ATF6B: variants seen among roughly 807,000 people sequenced by gnomAD.
ATF6B encodes cyclic AMP-dependent transcription factor ATF-6 beta.
A neutral mutation model predicts 83.5 loss-of-function variants in ATF6B; 50 were observed. The ratio of observed to expected loss-of-function variants is 0.60; its 90% CI spans 0.48 to 0.76. The LOEUF is 0.76. Among genes scored for constraint, ATF6B ranks in the 30% least tolerant of loss-of-function variants. The probability of loss-of-function intolerance (pLI) is 0.00; values close to 1 mark genes in which losing one functional copy is unlikely to be tolerated. For synonymous variants in ATF6B, 344 were observed against 362.8 expected, an observed-to-expected ratio of 0.95 and a Z score of 0.59; for missense variants, 790 against 893.8, an observed-to-expected ratio of 0.88 and a Z score of 1.48.
chr6:32,121,308 G>A lies in ATF6B; in HGVS notation c.519C>T (p.Ser173=), dbSNP rs369263490. ...AGAGCAGGGAGGCCTCAGAGTTGAC[G>A]GAAGAACATGGAGAGACAGGTTCTA... ...TKIEPVSPCS[S]VNSEASLLSA... Residue 173 remains serine, a synonymous_variant, in exon 6 of 18, where the codon TCC becomes TCT. Transcript: ENST00000375203. 4.3e-5 allele frequency: 70 copies of A among 1,614,066 alleles called. 1 individual carries two copies. In the Middle Eastern group the frequency reaches 4.9e-4, roughly 11 times the overall value.
chr6:32,119,993 C>T lies in ATF6B; in HGVS notation c.833-36G>A. 6.3e-7 allele frequency: 1 copy of T among 1,599,262 alleles called. No homozygotes were observed. The highest frequency in any genetic ancestry group is 8.5e-7 in the Non-Finnish European group (1 of 1,171,850). On this transcript the variant is annotated intron_variant, in intron 8 of 17. Transcript: ENST00000375203. This position sits in a 1 kb window ranked among gnomAD's most constrained non-coding sequence, Gnocchi z 4.9. ...TGAGCAGAGGTCAGAGGGCTGTGCG[C>T]TGGGTGGGGTCCTTGTGTCCACACC...
chr6:32,119,932 AC>A lies in ATF6B; in HGVS notation c.857del (p.Gly286ValfsTer41), dbSNP rs1306356352. The A allele has an allele frequency of 3.7e-6, 6 of 1,613,916 alleles. No individual in the cohort carries two copies. The highest frequency in any genetic ancestry group is 5.1e-6 in the Non-Finnish European group (6 of 1,180,000). ...GCCCTTCAGGCTGGACTCGAATAGCACCCTGGATGAGGACAACTGGGGACAC... is the reference window on the plus strand; with the variant it reads ...GCCCTTCAGGCTGGACTCGAATAGCACCTGGATGAGGACAACTGGGGACAC... ...PPVSPVVLIQ[G>X]AIRVQPEGPA... On this transcript the variant is annotated frameshift_variant, in exon 9 of 18. Transcript: ENST00000375203. LOFTEE classifies it high-confidence loss of function. The surrounding 1 kb of genome is among the most constrained non-coding windows in gnomAD (Gnocchi z 4.9).
Position 32,121,345 on chromosome 6 carries a change from A to G in ATF6B, c.482T>C (p.Val161Ala), listed in dbSNP as rs149189678. The G allele has an allele frequency of 7.4e-6, 12 of 1,613,750 alleles. No homozygotes were observed. Among genetic ancestry groups the G allele is most frequent in the Middle Eastern group, 1.6e-4 (1 of 6,084 alleles). ...AGAGACAGGTTCTATCTTGGTCTGGACATCTGTGGGAGGCAGGATGAGGCA... is the reference window on the plus strand; with the variant it reads ...AGAGACAGGTTCTATCTTGGTCTGGGCATCTGTGGGAGGCAGGATGAGGCA... ...VIPTSDDSSD[V>A]QTKIEPVSPC... The change falls in exon 6 of 18, where the codon GTC (valine) becomes GCC (alanine). Residue 161 changes from valine (V) to alanine (A), a missense_variant. Transcript: ENST00000375203.
At position 32,116,039 on chromosome 6, in the gene ATF6B, G is replaced by A. The variant is rs1781518065; in HGVS notation, c.1883-71C>T. The A allele has an allele frequency of 1.7e-6, 2 of 1,196,380 alleles. No individual in the cohort carries two copies. Among genetic ancestry groups the A allele is most frequent in the African/African-American group, 1.5e-5 (1 of 66,380 alleles). The allele number at this position is 1,196,380 out of a possible 1,614,324, so 74.1% of individuals were successfully genotyped here. On this transcript the variant is annotated intron_variant, in intron 17 of 17. Coordinates refer to ENST00000375203, the MANE Select transcript of ATF6B (RefSeq NM_004381.5). The surrounding 1 kb of genome is among the most constrained non-coding windows in gnomAD (Gnocchi z 5.1). ...AGGGATTGCAGGGAGGAGGGGAGGAGGTCAGAAAAGTAGAGGTGAGCAGAG... is the reference window on the plus strand; with the variant it reads ...AGGGATTGCAGGGAGGAGGGGAGGAAGTCAGAAAAGTAGAGGTGAGCAGAG...
At chr6:32,122,662 C>T (rs905981814) in intron 5 of ATF6B, among the ~76,000 whole-genome samples, 1 of 150,960 alleles carries the variant, frequency 6.6e-6, no homozygotes, top group Non-Finnish European at 1.5e-5. Context: ...TCCTGGCTAA[C>T]ACGGTGAAAC....
In ATF6B at chr6:32,121,050, G is replaced by T; in HGVS notation, c.639C>A (p.Val213=). 1 of 1,556,756 alleles carries T rather than the reference G, an allele frequency of 6.4e-7. No homozygotes were observed. Among genetic ancestry groups the T allele is most frequent in the Non-Finnish European group, 8.7e-7 (1 of 1,154,816 alleles). ...LSPSGCLLWD[V]PAPSLGAVQI... Reference sequence around the variant, plus strand: ...GGACAGCTCCAAGTGAGGGGGCTGGGACATCCCACAGGAGGCATCCTGAAG... The same window carrying T: ...GGACAGCTCCAAGTGAGGGGGCTGGTACATCCCACAGGAGGCATCCTGAAG... The change falls in exon 7 of 18, where the codon GTC becomes GTA. Residue 213 remains valine (V), a synonymous_variant. Coordinates refer to ENST00000375203, the MANE Select transcript of ATF6B (RefSeq NM_004381.5).
rs1386822036 is a variant in ATF6B, at chr6:32,125,943, G to T, written c.478+174C>A. The T allele has an allele frequency of 1.1e-6, 1 of 901,086 alleles. No individual in the cohort carries two copies. Among genetic ancestry groups the T allele is most frequent in the South Asian group, 1.8e-5 (1 of 55,042 alleles). The allele number at this position is 901,086 out of a possible 1,614,324, so 55.8% of individuals were successfully genotyped here. A position where few individuals can be genotyped will look rare whatever the true frequency, so the allele number is the denominator to read the frequency against. ...AGCACTGCCCTTGCTGTGGTTCCCT[G>T]AAATGTTTCCTCTCCTTCCTGCCTT... On this transcript the variant is annotated intron_variant, in intron 5 of 17. Coordinates refer to ENST00000375203, the MANE Select transcript of ATF6B (RefSeq NM_004381.5). This position sits in a 1 kb window ranked among gnomAD's most constrained non-coding sequence, Gnocchi z 4.1.
At chr6:32,123,931 A>T (rs967600510) in intron 5 of ATF6B, among the ~76,000 whole-genome samples, 1 of 151,188 alleles carries the variant, frequency 6.6e-6, no homozygotes, top group African/African-American at 2.4e-5. Context: ...TCAACTGGGC[A>T]TGGTGGCTTA....
In ATF6B at chr6:32,117,525, G is replaced by T; in HGVS notation, c.1532+62C>A. 1.9e-6 allele frequency: 3 copies of T among 1,595,244 alleles called. No homozygotes were observed. In the South Asian group the frequency reaches 3.3e-5, roughly 18 times the overall value. On this transcript the variant is annotated intron_variant, in intron 13 of 17. Coordinates refer to ENST00000375203, the MANE Select transcript of ATF6B (RefSeq NM_004381.5). The surrounding 1 kb of genome is among the most constrained non-coding windows in gnomAD (Gnocchi z 5.0). ...GCGCTTTAGTACACAGGCCAGCCAG[G>T]CTGACTGCAGAAGGCCTTGGGAGGC... is the stretch of plus-strand genomic sequence containing the variant.
rs1324326858 is a variant in ATF6B, at chr6:32,126,232, C to T, written c.363G>A (p.Val121=). 1.2e-6 allele frequency: 2 copies of T among 1,614,012 alleles called. No homozygotes were observed. The highest frequency in any genetic ancestry group is 1.7e-6 in the Non-Finnish European group (2 of 1,179,968). ...PSSEALGVGE[V]LHVKTESLAP... is the part of the protein sequence containing the mutation. ...CCAAGGACTCTGTCTTCACATGGAG[C>T]ACCTCCCCTACCCCAAGAGCCTGGG... Residue 121 remains valine, a synonymous_variant, in exon 5 of 18, where the codon GTG becomes GTA. Coordinates refer to ENST00000375203, the MANE Select transcript of ATF6B (RefSeq NM_004381.5).
rs749028556 is a variant in ATF6B, at chr6:32,119,912, T to C, written c.878A>G (p.Glu293Gly). ...LIQGAIRVQPEGPAPSLPRPE... is the reference protein window; with the variant it reads ...LIQGAIRVQPGGPAPSLPRPE... ...CCGTGGTAGAGAGGGAGCCGGCCCTTCAGGCTGGACTCGAATAGCACCCTG... is the reference window on the plus strand; with the variant it reads ...CCGTGGTAGAGAGGGAGCCGGCCCTCCAGGCTGGACTCGAATAGCACCCTG... The change falls in exon 9 of 18, where the codon GAA becomes GGA. Residue 293 changes from glutamate to glycine, a missense_variant. Transcript: ENST00000375203. The surrounding 1 kb of genome is among the most constrained non-coding windows in gnomAD (Gnocchi z 4.9). 6.2e-7 allele frequency: 1 copy of C among 1,614,076 alleles called. No homozygotes were observed. Among genetic ancestry groups the C allele is most frequent in the South Asian group, 1.1e-5 (1 of 91,076 alleles).
chr6:32,120,666 GTCT>G, intron 8 of ATF6B, 102 bp downstream of exon 8: 1 of 1,391,130 alleles, frequency 7.2e-7, no homozygotes, highest in East Asian at 2.5e-5. Flanking sequence ...GGCCAGGCTG[GTCT>G]TAAACTTCTG....
chr6:32,116,242 C>T lies in ATF6B; in HGVS notation c.1882+238G>A, dbSNP rs1357212738. Reference sequence around the variant, plus strand: ...AGTAAGTGAGAGTCTAGCAGGTTCCCGGCCCCCCGCCTCTGCCCAGTCATC... The same window carrying T: ...AGTAAGTGAGAGTCTAGCAGGTTCCTGGCCCCCCGCCTCTGCCCAGTCATC... On this transcript the variant is annotated intron_variant, in intron 17 of 17. Coordinates refer to ENST00000375203, the MANE Select transcript of ATF6B (RefSeq NM_004381.5). The surrounding 1 kb of genome is among the most constrained non-coding windows in gnomAD (Gnocchi z 5.1). Among the ~76,000 whole-genome samples the T allele has an allele frequency of 6.6e-6, 1 of 152,072 alleles. No homozygotes were observed. Among genetic ancestry groups the T allele is most frequent in the Non-Finnish European group, 1.5e-5 (1 of 68,022 alleles).
At position 32,120,918 on chromosome 6, in the gene ATF6B, A is replaced by C. The variant is rs1428851117; in HGVS notation, c.701-16T>G. 6.6e-7 allele frequency: 1 copy of C among 1,526,222 alleles called. No homozygotes were observed. Among genetic ancestry groups the C allele is most frequent in the African/African-American group, 1.4e-5 (1 of 71,878 alleles). The allele number at this position is 1,526,222 out of a possible 1,614,324, so 94.5% of individuals were successfully genotyped here. On this transcript the variant is annotated splice_polypyrimidine_tract_variant and intron_variant, in intron 7 of 17. Transcript: ENST00000375203. ...AGGGCTTTGCCTGAAGGAAGGTGAG[A>C]GAAAAGAACAAGAAATGTCAGGACC...
Position 32,118,154 on chromosome 6 carries a change from A to G in ATF6B, c.1245-116T>C. 7.8e-7 allele frequency: 1 copy of G among 1,289,006 alleles called. No homozygotes were observed. Among genetic ancestry groups the G allele is most frequent in the Non-Finnish European group, 1.1e-6 (1 of 912,734 alleles). The allele number at this position is 1,289,006 out of a possible 1,614,324, so 79.8% of individuals were successfully genotyped here. A position where few individuals can be genotyped will look rare whatever the true frequency, so the allele number is the denominator to read the frequency against. On this transcript the variant is annotated intron_variant, in intron 11 of 17. Transcript: ENST00000375203. The surrounding 1 kb of genome is among the most constrained non-coding windows in gnomAD (Gnocchi z 5.2). ...AGTTGCAATCTGTTATACAAGCCTG[A>G]GTCTGCCTCTGTAAGATGGGAATAA...
intron 8 of ATF6B, 41 bp downstream of exon 8, chr6:32,120,730 C>T (rs1012101318): frequency 1.3e-5 from 21 of 1,599,270 alleles, no homozygotes; most frequent in African/African-American, 1.2e-4. Context: ...GGATTACCGG[C>T]GTGAGCCACC....
At chr6:32,123,514 G>A (rs541409214) in intron 5 of ATF6B, among the ~76,000 whole-genome samples, 3 of 152,094 alleles carry the variant, frequency 2.0e-5, no homozygotes, top group South Asian at 2.1e-4. Flanking sequence ...TCAGCCTCCC[G>A]AGTAGCTGAG....
chr6:32,120,768 T>A lies in ATF6B; in HGVS notation c.832+3A>T. On this transcript the variant is annotated splice_donor_region_variant and intron_variant, in intron 8 of 17. Transcript: ENST00000375203. ...GCCCGGCCCTTTTCTCCTTCTTCAG[T>A]ACCTGGGGGTGGCTGGACGAGGGAC... is the stretch of plus-strand genomic sequence containing the variant. 6.2e-7 allele frequency: 1 copy of A among 1,610,104 alleles called. No individual in the cohort carries two copies. The highest frequency in any genetic ancestry group is 8.5e-7 in the Non-Finnish European group (1 of 1,178,002).
In ATF6B at chr6:32,121,319, G is replaced by C. The variant is rs758495910; in HGVS notation, c.508C>G (p.Pro170Ala). The C allele has an allele frequency of 1.2e-6, 2 of 1,614,074 alleles. No individual in the cohort carries two copies. Among genetic ancestry groups the C allele is most frequent in the East Asian group, 2.2e-5 (1 of 44,876 alleles). ...DVQTKIEPVS[P>A]CSSVNSEASL... ...GCCTCAGAGTTGACGGAAGAACATGGAGAGACAGGTTCTATCTTGGTCTGG... is the reference window on the plus strand; with the variant it reads ...GCCTCAGAGTTGACGGAAGAACATGCAGAGACAGGTTCTATCTTGGTCTGG... Residue 170 changes from proline (P) to alanine (A), a missense_variant, in exon 6 of 18, where the codon CCA becomes GCA. This residue lies in a region of ATF6B where 253 missense variants were observed against 243.1 expected (regional missense o/e 1.04). Transcript: ENST00000375203.
Sources: gnomAD v4.1 joint callset for allele counts (sites outside exome capture counted in the v4.1 genomes callset) on GRCh38, gnomAD v4.1.1 for gene constraint, gnomAD v4.1.1 regional missense constraint, Gnocchi (gnomAD v3.1) non-coding constraint, MANE v1.5 for transcripts, NCBI Gene and HGNC (gene_info 2026-07-23, HGNC 2026-07-21) for gene names.